CAMK2D: variants seen among roughly 807,000 people sequenced by gnomAD.
CAMK2D encodes calcium/calmodulin-dependent protein kinase type II subunit delta.
Under a neutral mutation model 84.0 loss-of-function variants are expected in CAMK2D, and 37 were observed. That is an observed-to-expected ratio of 0.44 (90% CI 0.34 to 0.58). The LOEUF is 0.58. Among genes scored for constraint, CAMK2D ranks in the 20% least tolerant of loss-of-function variants. The pLI, the probability that CAMK2D is intolerant of heterozygous loss-of-function variation, is 0.02. For synonymous variants in CAMK2D, 202 were observed against 212.5 expected (o/e 0.95, Z 0.43); for missense variants, 448 against 652.5 (o/e 0.69, Z 3.41).
At chr4:113,753,238 T>C (rs929180870) in intron 2 of CAMK2D, among the ~76,000 whole-genome samples, 10 of 151,240 alleles carry the variant, frequency 6.6e-5, no homozygotes, top group Non-Finnish European at 8.8e-5. Context: ...ATATACTTAT[T>C]GTCTCATAGA....
intron 2 of CAMK2D, among the ~76,000 whole-genome samples, chr4:113,751,225 T>C (rs1442372469): frequency 2.6e-5 from 4 of 152,146 alleles, no homozygotes; most frequent in African/African-American, 9.7e-5. Context: ...GCTGTATTAC[T>C]AACAAATAAC....
At position 113,544,071 on chromosome 4, in the gene CAMK2D, G is replaced by A. The variant is rs114160548; in HGVS notation, c.414+3573C>T. Among the ~76,000 whole-genome samples the A allele has an allele frequency of 7.5e-3, 1,135 of 152,156 alleles. 11 individuals are homozygous for A. Among genetic ancestry groups the A allele is most frequent in the African/African-American group, 0.021 (862 of 41,510 alleles). ...CACCCAATACTAATTGTCTTCATGT[G>A]GCAATTACTAATTAAATGTGGCAAA... On this transcript the variant is annotated intron_variant, in intron 6 of 20. Coordinates refer to ENST00000511664, the MANE Select transcript of CAMK2D (RefSeq NM_001321571.2).
At chr4:113,585,280 T>C (rs2098828516) in intron 4 of CAMK2D, among the ~76,000 whole-genome samples, 1 of 152,088 alleles carries the variant, frequency 6.6e-6, no homozygotes, top group Non-Finnish European at 1.5e-5. Flanking sequence ...AAAGACAATA[T>C]TTCATATAAT....
chr4:113,627,013 T>C (rs748062840), intron 3 of CAMK2D, among the ~76,000 whole-genome samples: 17 of 152,152 alleles, frequency 1.1e-4, no homozygotes, highest in African/African-American at 3.9e-4. Flanking sequence ...TCATAGAGAT[T>C]TGTAAAAATG....
chr4:113,725,477 C>T (rs1032082152), intron 2 of CAMK2D, among the ~76,000 whole-genome samples: 1 of 152,078 alleles, frequency 6.6e-6, no homozygotes, highest in Non-Finnish European at 1.5e-5. Flanking sequence ...GTCAAATTTA[C>T]TTTGCCTATA....
intron 16 of CAMK2D, among the ~76,000 whole-genome samples, chr4:113,472,001 T>C (rs1391434279): frequency 6.6e-6 from 1 of 152,208 alleles, no homozygotes; most frequent in Non-Finnish European, 1.5e-5. Context: ...TTTCCTGCCA[T>C]TTTTCCTTCT....
intron 13 of CAMK2D, among the ~76,000 whole-genome samples, chr4:113,507,907 TA>T (rs1368778689): frequency 2.6e-5 from 4 of 151,548 alleles, no homozygotes; most frequent in Non-Finnish European, 4.4e-5. Context: ...TAAAGAACAT[TA>T]AAAAAAACAT....
intron 16 of CAMK2D, among the ~76,000 whole-genome samples, chr4:113,490,362 G>T (rs2097820672): frequency 7.1e-6 from 1 of 140,242 alleles, no homozygotes; most frequent in Non-Finnish European, 1.5e-5. Flanking sequence ...TCTACATATG[G>T]CTAGCCAGTT....
chr4:113,584,672 C>CA, intron 4 of CAMK2D, among the ~76,000 whole-genome samples: 1 of 152,142 alleles, frequency 6.6e-6, no homozygotes, highest in East Asian at 1.9e-4. Context: ...GGGTGTACCT[C>CA]ACAAGCTTAG....
chr4:113,704,389 G>A (rs2099434434), intron 2 of CAMK2D, among the ~76,000 whole-genome samples: 1 of 151,670 alleles, frequency 6.6e-6, no homozygotes, highest in South Asian at 2.1e-4. Flanking sequence ...TTTTATATAA[G>A]AACAAGAGAA....
chr4:113,502,896 G>A (rs1308343702), intron 15 of CAMK2D, 40 bp downstream of exon 15: 3 of 1,369,114 alleles, frequency 2.2e-6, no homozygotes, highest in Non-Finnish European at 3.1e-6. Flanking sequence ...GAGATGTATA[G>A]TCTTGTTAAA....
chr4:113,672,988 G>A (rs2099298397), intron 2 of CAMK2D, among the ~76,000 whole-genome samples: 1 of 152,148 alleles, frequency 6.6e-6, no homozygotes, highest in South Asian at 2.1e-4. Flanking sequence ...TCAGATACAG[G>A]TGCCAAACCA....
At chr4:113,500,354 T>C in intron 16 of CAMK2D, 109 bp downstream of exon 16, 2 of 540,568 alleles carry the variant, frequency 3.7e-6, no homozygotes, top group Non-Finnish European at 6.5e-6. Context: ...ATTTTTGTGC[T>C]TTAGGATAGG....
chr4:113,544,367 T>C (rs556122531), intron 6 of CAMK2D, among the ~76,000 whole-genome samples: 1 of 152,344 alleles, frequency 6.6e-6, no homozygotes, highest in South Asian at 2.1e-4. Flanking sequence ...GCAAAATTAT[T>C]TTCCTATCGT....
chr4:113,630,501 G>A (rs1217743291), intron 3 of CAMK2D, among the ~76,000 whole-genome samples: 1 of 152,084 alleles, frequency 6.6e-6, no homozygotes, highest in East Asian at 1.9e-4. Flanking sequence ...TGTTGGGAGG[G>A]CTCAGGAATA....
intron 16 of CAMK2D, among the ~76,000 whole-genome samples, chr4:113,486,656 T>C (rs765931147): frequency 6.6e-5 from 10 of 152,202 alleles, no homozygotes; most frequent in Non-Finnish European, 1.0e-4. Context: ...TTATACCCAA[T>C]CTCTGCTTCC....
intron 4 of CAMK2D, among the ~76,000 whole-genome samples, chr4:113,599,341 C>T (rs2098941658): frequency 6.6e-6 from 1 of 152,056 alleles, no homozygotes; most frequent in Non-Finnish European, 1.5e-5. Context: ...AGGTATTTAC[C>T]CAAATGAGTT....
intron 8 of CAMK2D, among the ~76,000 whole-genome samples, chr4:113,519,671 T>C (rs997763740): frequency 6.6e-6 from 1 of 152,186 alleles, no homozygotes; most frequent in Non-Finnish European, 1.5e-5. Context: ...TGTAGTTCTA[T>C]TTTCTGAATG....
rs146178542 is a variant in CAMK2D, at chr4:113,532,359, A to G, written c.518-1060T>C. On this transcript the variant is annotated intron_variant, in intron 7 of 20. Transcript: ENST00000511664. ...AGACAATGAGAAGGGATTCCAAGAA[A>G]AGACCTGTATGTTGCAATTTAAGCT... Among the ~76,000 whole-genome samples the G allele has an allele frequency of 7.5e-4, 114 of 152,326 alleles. 1 individual carries two copies. The highest frequency in any genetic ancestry group is 2.7e-3 in the African/African-American group (112 of 41,576).
Sources: allele counts gnomAD v4.1 joint callset (sites outside exome capture counted in the v4.1 genomes callset), GRCh38; gene constraint gnomAD v4.1.1; transcripts MANE v1.5; gene names NCBI Gene and HGNC (gene_info 2026-07-23, HGNC 2026-07-21).